ANK3: variants seen among roughly 807,000 people sequenced by gnomAD.
The protein encoded by ANK3 is ankyrin 3.
In ANK3, 57 loss-of-function variants were observed where a neutral mutation model predicts 370.9. The observed-to-expected ratio is 0.15, with a 90% CI of 0.12 to 0.19. ANK3 has a LOEUF of 0.19. Among genes scored for constraint, ANK3 ranks in the 10% least tolerant of loss-of-function variants. The pLI, the probability that ANK3 is intolerant of heterozygous loss-of-function variation, is 1.00. For missense variants in ANK3, 4,439 were observed against 5,302.1 expected, an observed-to-expected ratio of 0.84 and a Z score of 5.06; for synonymous variants, 1,929 against 1,946.3, an observed-to-expected ratio of 0.99 and a Z score of 0.23.
intron 2 of ANK3, among the ~76,000 whole-genome samples, chr10:60,395,553 T>C (rs962660702): frequency 9.7e-5 from 5 of 51,456 alleles, no homozygotes; most frequent in Non-Finnish European, 2.0e-4. Flanking sequence ...ACTATGCCTC[T>C]TTCTTTCTTT....
intron 7 of ANK3, among the ~76,000 whole-genome samples, chr10:60,240,673 C>A (rs1478835963): frequency 6.6e-6 from 1 of 152,104 alleles, no homozygotes. Context: ...TTCACTGCAA[C>A]CTCCATCTCC....
At chr10:60,695,742 A>G (rs972618369) in intron 1 of ANK3, among the ~76,000 whole-genome samples, 1 of 152,254 alleles carries the variant, frequency 6.6e-6, no homozygotes, top group Admixed American at 6.5e-5. Flanking sequence ...TCTGGGATGC[A>G]TTCAAAGCAG....
chr10:60,038,953 G>A (rs1422393364), intron 43 of ANK3, among the ~76,000 whole-genome samples: 3 of 152,148 alleles, frequency 2.0e-5, no homozygotes, highest in African/African-American at 7.2e-5. Context: ...TAGCTTAAAT[G>A]TCATGATTTC....
At chr10:60,363,060 C>T (rs2058855265) in intron 1 of ANK3, among the ~76,000 whole-genome samples, 1 of 99,926 alleles carries the variant, frequency 1.0e-5, no homozygotes, top group African/African-American at 4.0e-5. Context: ...GTCTCCCTTG[C>T]AGCTGGGGTT....
intron 1 of ANK3, among the ~76,000 whole-genome samples, chr10:60,305,467 AT>A (rs978786077): frequency 6.6e-6 from 1 of 151,578 alleles, no homozygotes; most frequent in African/African-American, 2.4e-5. Flanking sequence ...CTGGCAAGAT[AT>A]TACTCTGCAC....
chr10:60,548,581 C>T (rs1049652350), intron 2 of ANK3, among the ~76,000 whole-genome samples: 2 of 151,958 alleles, frequency 1.3e-5, no homozygotes, highest in African/African-American at 4.8e-5. Flanking sequence ...TGTGAAAGTT[C>T]AAAATAAGGG....
chr10:60,391,857 T>C (rs911775795), upstream of ANK3, among the ~76,000 whole-genome samples: 2 of 152,250 alleles, frequency 1.3e-5, no homozygotes, highest in Non-Finnish European at 2.9e-5. Context: ...GAATGTGTCA[T>C]GGCTTTTTAG....
intron 2 of ANK3, among the ~76,000 whole-genome samples, chr10:60,521,911 T>C (rs1228060248): frequency 6.6e-6 from 1 of 152,106 alleles, no homozygotes; most frequent in Admixed American, 6.6e-5. Flanking sequence ...GCTTCTACTT[T>C]AGAATGGCAG....
rs1191554100 is a variant in ANK3 at position 60,028,939 on chromosome 10, A to C, written c.*907T>G. On this transcript the variant is annotated 3_prime_UTR_variant, in exon 44 of 44. Transcript: ENST00000280772. ...ATTAGATGAAGGGCTTTGTGTTTACAGATAAAATCTTTTGTGTTGCAGTAT... is the reference window on the plus strand; with the variant it reads ...ATTAGATGAAGGGCTTTGTGTTTACCGATAAAATCTTTTGTGTTGCAGTAT... The C allele has an allele frequency of 6.6e-6, 1 of 152,606 alleles. No homozygotes were observed. The highest frequency in any genetic ancestry group is 1.5e-5 in the Non-Finnish European group (1 of 68,046). 9.5% of individuals were successfully genotyped at this position (152,606 alleles called of 1,614,324 possible). A position where few individuals can be genotyped will look rare whatever the true frequency, so the allele number is the denominator to read the frequency against.
intron 1 of ANK3, among the ~76,000 whole-genome samples, chr10:60,726,755 A>C: frequency 6.6e-6 from 1 of 152,140 alleles, no homozygotes; most frequent in Admixed American, 6.5e-5. Flanking sequence ...AACAAAATTC[A>C]CTGAATTGAG....
intron 7 of ANK3, among the ~76,000 whole-genome samples, chr10:60,258,931 G>A (rs978866814): frequency 6.6e-6 from 1 of 152,148 alleles, no homozygotes; most frequent in Non-Finnish European, 1.5e-5. Flanking sequence ...TAGCTCTGAA[G>A]CATATGATTT....
intron 43 of ANK3, 32 bp from the exon 44 acceptor site, chr10:60,029,858 G>GCTTTCT (rs2072872694): frequency 1.0e-5 from 1 of 98,896 alleles, no homozygotes; most frequent in African/African-American, 4.8e-5. Flanking sequence ...AGTGAGTTTA[G>GCTTTCT]CTTTCTTTTT....
chr10:60,086,518 C>A, intron 30 of ANK3, 159 bp downstream of exon 30: 1 of 577,200 alleles, frequency 1.7e-6, no homozygotes, highest in South Asian at 3.5e-5. Context: ...CTTGGGAAAC[C>A]AGAGATGAGG....
chr10:60,314,618 A>G (rs1429986519), intron 1 of ANK3, among the ~76,000 whole-genome samples: 9 of 152,214 alleles, frequency 5.9e-5, no homozygotes, highest in Admixed American at 5.9e-4. Flanking sequence ...CTGTAAAAGC[A>G]TAACTGGGAC....
At chr10:60,549,875 AT>A (rs2077051434) in intron 2 of ANK3, among the ~76,000 whole-genome samples, 1 of 152,126 alleles carries the variant, frequency 6.6e-6, no homozygotes. Flanking sequence ...AAAGTTGTGA[AT>A]TCTTTATAGA....
chr10:60,039,342 C>T (rs1020821173), intron 43 of ANK3, among the ~76,000 whole-genome samples: 4 of 152,032 alleles, frequency 2.6e-5, no homozygotes, highest in Non-Finnish European at 5.9e-5. Flanking sequence ...TTTGCCATGG[C>T]TTAAATGACC....
At chr10:60,452,063 T>C (rs1238739272) in intron 2 of ANK3, among the ~76,000 whole-genome samples, 1 of 152,368 alleles carries the variant, frequency 6.6e-6, no homozygotes, top group South Asian at 2.1e-4. Flanking sequence ...AATGGAATAA[T>C]ATGTTTCTGT....
intron 1 of ANK3, among the ~76,000 whole-genome samples, chr10:60,645,802 C>G (rs2078702914): frequency 6.6e-6 from 1 of 152,046 alleles, no homozygotes; most frequent in African/African-American, 2.4e-5. Flanking sequence ...CACAGTTGAT[C>G]TTATGTTCAT....
In ANK3 at chr10:60,206,405, G is replaced by A. The variant is rs369306527; in HGVS notation, c.1195-515C>T. Among the ~76,000 whole-genome samples the A allele has an allele frequency of 2.0e-3, 299 of 152,236 alleles. 2 individuals carry two copies. The highest frequency in any genetic ancestry group is 5.2e-3 in the African/African-American group (215 of 41,534). ...GGAGAATCACTTGAACCCAGGAGGCGGAGGTTGCAGTGAGCCGAGATTGTG... is the reference window on the plus strand; with the variant it reads ...GGAGAATCACTTGAACCCAGGAGGCAGAGGTTGCAGTGAGCCGAGATTGTG... On this transcript the variant is annotated intron_variant, in intron 10 of 43. Transcript: ENST00000280772.
Sources: gnomAD v4.1 joint callset for allele counts (sites outside exome capture counted in the v4.1 genomes callset) on GRCh38, gnomAD v4.1.1 for gene constraint, MANE v1.5 for transcripts, NCBI Gene and HGNC (gene_info 2026-07-23, HGNC 2026-07-21) for gene names.